Variants in SEMA5B observed in about 807,000 individuals in gnomAD.
SEMA5B encodes semaphorin-5B.
SEMA5B carries 66 observed loss-of-function variants against 135.0 expected under a neutral mutation model. The observed-to-expected ratio is 0.49, with a 90% CI of 0.40 to 0.60. The LOEUF is 0.60. Ranked by LOEUF, SEMA5B falls within the 20% of genes least tolerant of loss-of-function variation. The pLI, the probability that SEMA5B is intolerant of heterozygous loss-of-function variation, is 0.00. For missense variants in SEMA5B, 1,501 were observed against 1,566.3 expected, an observed-to-expected ratio of 0.96 and a Z score of 0.70; for synonymous variants, 690 against 639.5, an observed-to-expected ratio of 1.08 and a Z score of -1.19.
intron 2 of SEMA5B, 149 bp from the exon 3 acceptor site, chr3:122,948,858 A>G: frequency 1.6e-6 from 1 of 629,758 alleles, no homozygotes; most frequent in Non-Finnish European, 2.7e-6. Flanking sequence ...GCTCTAGTAA[A>G]TGCGAAGATA....
rs527578702 is a variant in SEMA5B at position 122,921,178 on chromosome 3, G to A, written c.1688+737C>T. Among the ~76,000 whole-genome samples the A allele has an allele frequency of 5.3e-5, 8 of 152,328 alleles. No homozygotes were observed. The East Asian group carries it at 9.6e-4, about 18-fold the overall frequency. ...TCGGTTGCAAAGGCCACAGAAGCTC[G>A]CATGGCTGTGGTGGTGCCAGCTTCT... On this transcript the variant is annotated intron_variant, in intron 12 of 22. Transcript: ENST00000357599.
intron 1 of SEMA5B, among the ~76,000 whole-genome samples, chr3:122,967,993 T>C (rs1246521613): frequency 1.3e-5 from 2 of 152,246 alleles, no homozygotes; most frequent in East Asian, 3.8e-4. Flanking sequence ...ACTGCAGCCT[T>C]GACCAGAGCT....
chr3:122,986,593 TTGTG>T (rs145873533), intron 1 of SEMA5B, among the ~76,000 whole-genome samples: 2,242 of 144,368 alleles, frequency 0.016, 50 homozygotes, highest in African/African-American at 0.051. Context: ...CAGAGCATAT[TTGTG>T]TGTGTGTGTG....
At chr3:122,945,962 AG>A (rs1022684094) in intron 3 of SEMA5B, among the ~76,000 whole-genome samples, 19 of 151,794 alleles carry the variant, frequency 1.3e-4, no homozygotes, top group Non-Finnish European at 1.9e-4. Flanking sequence ...CGGGGATCCT[AG>A]GGGGGCCTTG....
intron 1 of SEMA5B, among the ~76,000 whole-genome samples, chr3:122,999,570 C>T (rs1306152936): frequency 1.3e-5 from 2 of 151,966 alleles, no homozygotes; most frequent in African/African-American, 2.4e-5. Flanking sequence ...ATAACGACAT[C>T]TGTACCTGAG....
chr3:123,017,644 A>T lies in SEMA5B; in HGVS notation c.-39+9820T>A, dbSNP rs570715019. On this transcript the variant is annotated intron_variant, in intron 1 of 22. Transcript: ENST00000357599. ...ACAGGTTGGCCAGGCGCAGTGGCTC[A>T]CACCTGTAATCCCAACATTTTGGGA... Among the ~76,000 whole-genome samples, 12 of 152,338 alleles carry T rather than the reference A, an allele frequency of 7.9e-5. No homozygotes were observed. The East Asian group carries it at 1.9e-3, about 24-fold the overall frequency.
chr3:123,009,945 C>T (rs956382697), intron 1 of SEMA5B, among the ~76,000 whole-genome samples: 7 of 152,140 alleles, frequency 4.6e-5, no homozygotes, highest in East Asian at 1.9e-4. Flanking sequence ...AGCAGGGAGA[C>T]GGCATGGTGA....
At chr3:122,959,104 G>A (rs926785973) in intron 2 of SEMA5B, among the ~76,000 whole-genome samples, 3 of 152,206 alleles carry the variant, frequency 2.0e-5, no homozygotes, top group African/African-American at 4.8e-5. Context: ...CAGGGAGCTC[G>A]CGGCAGAGAC....
chr3:122,927,827 C>T lies in SEMA5B; in HGVS notation c.813G>A (p.Pro271=), dbSNP rs548370011. The change falls in exon 8 of 23, where the codon CCG becomes CCA. Residue 271 remains proline, a synonymous_variant. Transcript: ENST00000357599. ...AIYRSLGSGP[P]LRTAQYNSKW... is the part of the protein sequence containing the mutation. ...TGGAGTTATATTGGGCAGTGCGAAG[C>T]GGTGGCCCACTGCCCAGGCTGCGGT... 63 of 1,554,836 alleles carry T rather than the reference C, an allele frequency of 4.1e-5. No homozygotes were observed. In the South Asian group the frequency reaches 5.6e-4, roughly 14 times the overall value.
At chr3:122,967,462 G>A (rs1437816197) in intron 1 of SEMA5B, among the ~76,000 whole-genome samples, 2 of 152,184 alleles carry the variant, frequency 1.3e-5, no homozygotes, top group African/African-American at 4.8e-5. Flanking sequence ...ATCCAGACTG[G>A]CTGTTAATGG....
chr3:122,913,568 C>T lies in SEMA5B; in HGVS notation c.2246G>A (p.Cys749Tyr). 6.2e-7 allele frequency: 1 copy of T among 1,612,924 alleles called. No homozygotes were observed. The highest frequency in any genetic ancestry group is 8.5e-7 in the Non-Finnish European group (1 of 1,179,850). Residue 749 changes from cysteine (C) to tyrosine (Y), a missense_variant, in exon 16 of 23, where the codon TGC becomes TAC. Around this residue, in one of 2 missense-constraint regions of SEMA5B, gnomAD observed 927 missense variants for 881.6 expected, o/e 1.05. Transcript: ENST00000357599. ...GGGMQSRRRA[C>Y]ENGNSCLGCG... is the part of the protein sequence containing the mutation. ...GCCCAGGCAGGAGTTGCCGTTCTCG[C>T]AGGCCCGACGCCGCGACTGCATGCC...
Position 122,929,021 on chromosome 3 carries a change from G to A in SEMA5B, c.512C>T (p.Ser171Phe). The A allele has an allele frequency of 1.9e-6, 3 of 1,612,432 alleles. No individual in the cohort carries two copies. The highest frequency in any genetic ancestry group is 1.7e-4 in the Middle Eastern group (1 of 6,060). ...EWASSEDTRR[S>F]CQSKGKTEEE... ...CTCAGTCTTCCCTTTGCTTTGGCAG[G>A]AGCGGCGCGTGTCCTCACTGGAGGC... The change falls in exon 6 of 23, where the codon TCC becomes TTC. Residue 171 changes from serine (S) to phenylalanine (F), a missense_variant. This residue lies in a region of SEMA5B where 574 missense variants were observed against 684.7 expected (regional missense o/e 0.84). Transcript: ENST00000357599.
intron 1 of SEMA5B, among the ~76,000 whole-genome samples, chr3:122,966,218 C>T (rs1448244078): frequency 6.6e-6 from 1 of 152,170 alleles, no homozygotes; most frequent in Non-Finnish European, 1.5e-5. Context: ...TGACTGCAAA[C>T]CCTGGGAGGC....
intron 1 of SEMA5B, among the ~76,000 whole-genome samples, chr3:123,024,986 A>G (rs1942766343): frequency 6.6e-6 from 1 of 152,154 alleles, no homozygotes; most frequent in African/African-American, 2.4e-5. Flanking sequence ...GACAATCTCC[A>G]GGGCCTCTCC....
intron 2 of SEMA5B, among the ~76,000 whole-genome samples, chr3:122,956,443 G>A (rs764156070): frequency 6.6e-6 from 1 of 152,208 alleles, no homozygotes; most frequent in Non-Finnish European, 1.5e-5. Context: ...GCTGTAACAG[G>A]GGGAGTGAGT....
intron 2 of SEMA5B, among the ~76,000 whole-genome samples, chr3:122,951,253 T>C (rs1940033280): frequency 6.6e-6 from 1 of 152,208 alleles, no homozygotes; most frequent in Non-Finnish European, 1.5e-5. Context: ...AATAAGACAG[T>C]AAAAATAAGA....
chr3:123,016,041 G>A (rs1441030184), intron 1 of SEMA5B, among the ~76,000 whole-genome samples: 2 of 152,218 alleles, frequency 1.3e-5, no homozygotes, highest in Non-Finnish European at 1.5e-5. Context: ...GGAAGAACCT[G>A]CTCATGCTCA....
At chr3:122,965,292 C>G (rs989618092) in intron 1 of SEMA5B, among the ~76,000 whole-genome samples, 2 of 152,218 alleles carry the variant, frequency 1.3e-5, no homozygotes, top group African/African-American at 4.8e-5. Context: ...CCACATTGCA[C>G]AGAGTGGCAA....
At chr3:122,991,048 T>C (rs1941859805) in intron 1 of SEMA5B, among the ~76,000 whole-genome samples, 1 of 152,140 alleles carries the variant, frequency 6.6e-6, no homozygotes, top group African/African-American at 2.4e-5. Context: ...CTTTTAGCTT[T>C]TGGGCAAGTG....
Sources: gnomAD v4.1 joint callset for allele counts (sites outside exome capture counted in the v4.1 genomes callset) on GRCh38, gnomAD v4.1.1 for gene constraint, gnomAD v4.1.1 regional missense constraint, MANE v1.5 for transcripts, NCBI Gene and HGNC (gene_info 2026-07-23, HGNC 2026-07-21) for gene names.